OR4A16: variants seen among roughly 807,000 people sequenced by gnomAD.
The protein encoded by OR4A16 is olfactory receptor family 4 subfamily A member 16.
For missense variants in OR4A16, 594 were observed against 390.9 expected (o/e 1.52, Z -4.38); for synonymous variants, 210 against 138.6 (o/e 1.51, Z -3.62).
Position 55,343,224 on chromosome 11 carries a change from A to C in OR4A16, c.24A>C (p.Thr8=), listed in dbSNP as rs1206337876. 15 of 1,605,902 alleles carry C rather than the reference A, an allele frequency of 9.3e-6. No individual in the cohort carries two copies. Among genetic ancestry groups the C allele is most frequent in the African/African-American group, 2.7e-5 (2 of 74,808 alleles). Residue 8 remains threonine, a synonymous_variant, in exon 1 of 1, where the codon ACA becomes ACC. Transcript: ENST00000314721. ...AAATGAGACCAAGCAGCAATGTTACAGAATTTGTCCTCCTGGGCCTCACTC... is the reference window on the plus strand; with the variant it reads ...AAATGAGACCAAGCAGCAATGTTACCGAATTTGTCCTCCTGGGCCTCACTC... MRPSSNV[T]EFVLLGLTQD...
rs541874934 is a variant in OR4A16 at position 55,343,252 on chromosome 11, G to T, written c.52G>T (p.Asp18Tyr). Residue 18 changes from aspartate to tyrosine, a missense_variant, in exon 1 of 1, where the codon GAT becomes TAT. Physicochemically the swap from Asp to Tyr is radical, Grantham distance 160. Transcript: ENST00000314721. Reference sequence around the variant, plus strand: ...ATTTGTCCTCCTGGGCCTCACTCAAGATCCTGATGTGAAAAAAACATTATT... The same window carrying T: ...ATTTGTCCTCCTGGGCCTCACTCAATATCCTGATGTGAAAAAAACATTATT... Reference protein sequence around the residue: ...TEFVLLGLTQDPDVKKTLFVM... With the variant: ...TEFVLLGLTQYPDVKKTLFVM... The T allele has an allele frequency of 6.2e-6, 10 of 1,612,140 alleles. No homozygotes were observed. The highest frequency in any genetic ancestry group is 1.3e-5 in the African/African-American group (1 of 74,994).
rs745752609 is a variant in OR4A16, at chr11:55,343,518, T to C, written c.318T>C (p.Gly106=). ...AGCTCTTCATAGAACACTTACTTGG[T>C]GGTGCAGAGGTCTTCCTTTTGGTGG... ...MGQLFIEHLL[G]GAEVFLLVVM... The change falls in exon 1 of 1, where the codon GGT becomes GGC. Residue 106 remains glycine (G), a synonymous_variant. Transcript: ENST00000314721. 36 of 1,613,836 alleles carry C rather than the reference T, an allele frequency of 2.2e-5. No individual in the cohort carries two copies. The highest frequency in any genetic ancestry group is 2.7e-5 in the Non-Finnish European group (32 of 1,179,912).
At position 55,344,015 on chromosome 11, in the gene OR4A16, T is replaced by G; in HGVS notation, c.815T>G (p.Phe272Cys). 6.2e-7 allele frequency: 1 copy of G among 1,612,906 alleles called. No individual in the cohort carries two copies. Among genetic ancestry groups the G allele is most frequent in the Non-Finnish European group, 8.5e-7 (1 of 1,179,142 alleles). The change falls in exon 1 of 1, where the codon TTT (phenylalanine) becomes TGT (cysteine). Residue 272 changes from phenylalanine to cysteine, a missense_variant. Transcript: ENST00000314721. ...CCCTTTGATAAATTAATGACTGTGT[T>G]TTATTCAATTATCACACTCATGTTG... is the stretch of plus-strand genomic sequence containing the variant. ...NFPFDKLMTV[F>C]YSIITLMLNP... is the part of the protein sequence containing the mutation.
Position 55,343,263 on chromosome 11 carries a change from G to GA in OR4A16, c.70dup (p.Thr24AsnfsTer63), listed in dbSNP as rs749534121. 1.1e-4 allele frequency: 181 copies of GA among 1,600,296 alleles called. 1 individual carries two copies. Among genetic ancestry groups the GA allele is most frequent in the East Asian group, 8.3e-4 (37 of 44,736 alleles). The stretch of plus-strand genomic sequence containing the variant: ...TGGGCCTCACTCAAGATCCTGATGT[G>GA]AAAAAAACATTATTTGTCATGTTTT... On this transcript the variant is annotated frameshift_variant, in exon 1 of 1. Transcript: ENST00000314721. LOFTEE classifies it low-confidence loss of function (END_TRUNC).
rs575051490 is a variant in OR4A16 at position 55,343,558 on chromosome 11, C to T, written c.358C>T (p.Arg120Cys). ...VFLLVVMAYD[R>C]YVAISKPLHY... is the part of the protein sequence containing the mutation. ...CCTTTTGGTGGTGATGGCCTATGAT[C>T]GCTATGTGGCTATCTCTAAGCCGCT... The change falls in exon 1 of 1, where the codon CGC becomes TGC. Residue 120 changes from arginine (R) to cysteine (C), a missense_variant. Arg to Cys is a radical substitution (Grantham distance 180, BLOSUM62 -3). Coordinates refer to ENST00000314721, the MANE Select transcript of OR4A16 (RefSeq NM_001005274.1). The T allele has an allele frequency of 5.0e-5, 80 of 1,613,880 alleles. No homozygotes were observed. Among genetic ancestry groups the T allele is most frequent in the Non-Finnish European group, 3.9e-5 (46 of 1,179,914 alleles).
In OR4A16 at chr11:55,343,883, A is replaced by G. The variant is rs779330023; in HGVS notation, c.683A>G (p.Gln228Arg). The change falls in exon 1 of 1, where the codon CAG (glutamine) becomes CGG (arginine). Residue 228 changes from glutamine to arginine, a missense_variant. By Grantham distance (43) the Gln-to-Arg change is conservative. Transcript: ENST00000314721. ...CTAAACTTCCTTAAAACTTACAGTC[A>G]GGAAGAGAGGCATAAAGCCCTGCCT... ...VILNFLKTYSQEERHKALPTC... is the reference protein window; with the variant it reads ...VILNFLKTYSREERHKALPTC... 1 of 1,613,794 alleles carries G rather than the reference A, an allele frequency of 6.2e-7. No homozygotes were observed. Among genetic ancestry groups the G allele is most frequent in the Admixed American group, 1.7e-5 (1 of 59,980 alleles).
chr11:55,344,021 C>T lies in OR4A16; in HGVS notation c.821C>T (p.Ser274Leu). The T allele has an allele frequency of 6.2e-7, 1 of 1,611,934 alleles. No homozygotes were observed. Among genetic ancestry groups the T allele is most frequent in the Non-Finnish European group, 8.5e-7 (1 of 1,178,432 alleles). ...PFDKLMTVFY[S>L]IITLMLNPLI... ...GATAAATTAATGACTGTGTTTTATTCAATTATCACACTCATGTTGAATCCT... is the reference window on the plus strand; with the variant it reads ...GATAAATTAATGACTGTGTTTTATTTAATTATCACACTCATGTTGAATCCT... The change falls in exon 1 of 1, where the codon TCA becomes TTA. Residue 274 changes from serine to leucine, a missense_variant. Ser to Leu is a moderately radical substitution (Grantham distance 145). Coordinates refer to ENST00000314721, the MANE Select transcript of OR4A16 (RefSeq NM_001005274.1).
In OR4A16 at chr11:55,343,233, C is replaced by A; in HGVS notation, c.33C>A (p.Val11=). ...CAAGCAGCAATGTTACAGAATTTGT[C>A]CTCCTGGGCCTCACTCAAGATCCTG... MRPSSNVTEF[V]LLGLTQDPDV... The change falls in exon 1 of 1, where the codon GTC becomes GTA. Residue 11 remains valine (V), a synonymous_variant. Coordinates refer to ENST00000314721, the MANE Select transcript of OR4A16 (RefSeq NM_001005274.1). 2 of 1,607,810 alleles carry A rather than the reference C, an allele frequency of 1.2e-6. No homozygotes were observed. Among genetic ancestry groups the A allele is most frequent in the South Asian group, 1.1e-5 (1 of 90,768 alleles).
chr11:55,343,331 G>T lies in OR4A16; in HGVS notation c.131G>T (p.Trp44Leu), dbSNP rs142814072. Residue 44 changes from tryptophan (W) to leucine (L), a missense_variant, in exon 1 of 1, where the codon TGG becomes TTG. Coordinates refer to ENST00000314721, the MANE Select transcript of OR4A16 (RefSeq NM_001005274.1). ...ACAATGGTGGGAAACCTCCTCATTT[G>T]GGTGACTACTATTGGCAGCCCCTCC... ...IVTMVGNLLI[W>L]VTTIGSPSLG... 49 of 1,613,642 alleles carry T rather than the reference G, an allele frequency of 3.0e-5. No individual in the cohort carries two copies. The highest frequency in any genetic ancestry group is 4.0e-5 in the Non-Finnish European group (47 of 1,179,858).
In OR4A16 at chr11:55,343,721, AC is replaced by A. The variant is rs1178338039; in HGVS notation, c.522del (p.Ser175LeufsTer19). 1 of 1,613,274 alleles carries A rather than the reference AC, an allele frequency of 6.2e-7. No homozygotes were observed. The highest frequency in any genetic ancestry group is 8.5e-7 in the Non-Finnish European group (1 of 1,179,774). ...ATCTGTGGCCCCAATGTTATTGACC[AC>A]TCTGTCTGTGACATGTACCCATTGT... The part of the protein sequence containing the change: ...LPICGPNVID[H>X]SVCDMYPLLE... On this transcript the variant is annotated frameshift_variant, in exon 1 of 1. Coordinates refer to ENST00000314721, the MANE Select transcript of OR4A16 (RefSeq NM_001005274.1). LOFTEE classifies it low-confidence loss of function (END_TRUNC).
In OR4A16 at chr11:55,343,271, C is replaced by T. The variant is rs757963604; in HGVS notation, c.71C>T (p.Thr24Ile). The T allele has an allele frequency of 1.2e-6, 2 of 1,613,002 alleles. No homozygotes were observed. Among genetic ancestry groups the T allele is most frequent in the Non-Finnish European group, 1.7e-6 (2 of 1,179,518 alleles). Residue 24 changes from threonine to isoleucine, a missense_variant, in exon 1 of 1, where the codon ACA becomes ATA. Thr to Ile is a moderately conservative substitution (Grantham distance 89). Transcript: ENST00000314721. ...ACTCAAGATCCTGATGTGAAAAAAA[C>T]ATTATTTGTCATGTTTTTACTCATA... ...GLTQDPDVKK[T>I]LFVMFLLIYI...
In OR4A16 at chr11:55,343,316, G is replaced by A. The variant is rs267602960; in HGVS notation, c.116G>A (p.Gly39Glu). 7.4e-6 allele frequency: 12 copies of A among 1,613,696 alleles called. No individual in the cohort carries two copies. Among genetic ancestry groups the A allele is most frequent in the Non-Finnish European group, 9.3e-6 (11 of 1,179,822 alleles). Residue 39 changes from glycine (G) to glutamate (E), a missense_variant, in exon 1 of 1, where the codon GGA becomes GAA. Gly to Glu is a moderately conservative substitution (Grantham distance 98). Transcript: ENST00000314721. ...CTCATATACATTGTGACAATGGTGG[G>A]AAACCTCCTCATTTGGGTGACTACT... ...FLLIYIVTMVGNLLIWVTTIG... is the reference protein window; with the variant it reads ...FLLIYIVTMVENLLIWVTTIG...
In OR4A16 at chr11:55,343,643, T is replaced by C. The variant is rs775740401; in HGVS notation, c.443T>C (p.Ile148Thr). 9.3e-6 allele frequency: 15 copies of C among 1,613,912 alleles called. No individual in the cohort carries two copies. The highest frequency in any genetic ancestry group is 1.1e-5 in the Non-Finnish European group (13 of 1,179,898). Residue 148 changes from isoleucine (I) to threonine (T), a missense_variant, in exon 1 of 1, where the codon ATT becomes ACT. Physicochemically the swap from Ile to Thr is moderately conservative, Grantham distance 89. Transcript: ENST00000314721. ...ATCCTTCTGTTGGTGGTGGCCATGA[T>C]TGGAGGTTTTGTGCACTCTGTGGTT... Reference protein sequence around the residue: ...VCILLLVVAMIGGFVHSVVQI... With the variant: ...VCILLLVVAMTGGFVHSVVQI...
In OR4A16 at chr11:55,343,589, A is replaced by G; in HGVS notation, c.389A>G (p.Tyr130Cys). 2 of 1,613,906 alleles carry G rather than the reference A, an allele frequency of 1.2e-6. No homozygotes were observed. The highest frequency in any genetic ancestry group is 1.7e-6 in the Non-Finnish European group (2 of 1,179,918). ...RYVAISKPLH[Y>C]LNIMNRLVCI... ...GTGGCTATCTCTAAGCCGCTGCACT[A>G]TTTGAACATCATGAATCGACTGGTT... Residue 130 changes from tyrosine (Y) to cysteine (C), a missense_variant, in exon 1 of 1, where the codon TAT becomes TGT. Tyr to Cys is a radical substitution (Grantham distance 194). Transcript: ENST00000314721.
At position 55,343,321 on chromosome 11, in the gene OR4A16, C is replaced by T; in HGVS notation, c.121C>T (p.Leu41Phe). Residue 41 changes from leucine to phenylalanine, a missense_variant, in exon 1 of 1, where the codon CTC (leucine) becomes TTC (phenylalanine). Physicochemically the swap from Leu to Phe is conservative, Grantham distance 22. Transcript: ENST00000314721. The part of the protein sequence containing the change: ...LIYIVTMVGN[L>F]LIWVTTIGSP... ...ATACATTGTGACAATGGTGGGAAAC[C>T]TCCTCATTTGGGTGACTACTATTGG... 1 of 1,613,754 alleles carries T rather than the reference C, an allele frequency of 6.2e-7. No individual in the cohort carries two copies. The highest frequency in any genetic ancestry group is 8.5e-7 in the Non-Finnish European group (1 of 1,179,844).
At position 55,343,596 on chromosome 11, in the gene OR4A16, C is replaced by T. The variant is rs76425968; in HGVS notation, c.396C>T (p.Asn132=). The change falls in exon 1 of 1, where the codon AAC becomes AAT. Residue 132 remains asparagine (N), a synonymous_variant. Transcript: ENST00000314721. ...TCTCTAAGCCGCTGCACTATTTGAA[C>T]ATCATGAATCGACTGGTTTGCATCC... is the stretch of plus-strand genomic sequence containing the variant. ...VAISKPLHYL[N]IMNRLVCILL... is the part of the protein sequence containing the mutation. The T allele has an allele frequency of 0.012, 18,312 of 1,528,344 alleles. No individual in the cohort carries two copies. The highest frequency in any genetic ancestry group is 0.014 in the Admixed American group (820 of 58,356). 94.7% of individuals were successfully genotyped at this position (1,528,344 alleles called of 1,614,324 possible). A position where few individuals can be genotyped will look rare whatever the true frequency, so the allele number is the denominator to read the frequency against.
chr11:55,343,730 G>T lies in OR4A16; in HGVS notation c.530G>T (p.Cys177Phe). Residue 177 changes from cysteine to phenylalanine, a missense_variant, in exon 1 of 1, where the codon TGT becomes TTT. Physicochemically the swap from Cys to Phe is radical, Grantham distance 205 (BLOSUM62 -2). Coordinates refer to ENST00000314721, the MANE Select transcript of OR4A16 (RefSeq NM_001005274.1). ...CGPNVIDHSV[C>F]DMYPLLELLC... Reference sequence around the variant, plus strand: ...CCCAATGTTATTGACCACTCTGTCTGTGACATGTACCCATTGTTGGAACTG... The same window carrying T: ...CCCAATGTTATTGACCACTCTGTCTTTGACATGTACCCATTGTTGGAACTG... The T allele has an allele frequency of 6.2e-7, 1 of 1,613,824 alleles. No homozygotes were observed. The highest frequency in any genetic ancestry group is 2.2e-5 in the East Asian group (1 of 44,816).
rs143065334 is a variant in OR4A16, at chr11:55,343,607, G to A, written c.407G>A (p.Arg136Gln). 129 of 1,613,912 alleles carry A rather than the reference G, an allele frequency of 8.0e-5. 1 individual carries two copies. The African/African-American group carries it at 1.4e-3, about 17-fold the overall frequency. The change falls in exon 1 of 1, where the codon CGA becomes CAA. Residue 136 changes from arginine (R) to glutamine (Q), a missense_variant. Coordinates refer to ENST00000314721, the MANE Select transcript of OR4A16 (RefSeq NM_001005274.1). ...KPLHYLNIMNRLVCILLLVVA... is the reference protein window; with the variant it reads ...KPLHYLNIMNQLVCILLLVVA... ...CTGCACTATTTGAACATCATGAATCGACTGGTTTGCATCCTTCTGTTGGTG... is the reference window on the plus strand; with the variant it reads ...CTGCACTATTTGAACATCATGAATCAACTGGTTTGCATCCTTCTGTTGGTG...
At position 55,343,397 on chromosome 11, in the gene OR4A16, T is replaced by A; in HGVS notation, c.197T>A (p.Leu66His). 1 of 1,613,906 alleles carries A rather than the reference T, an allele frequency of 6.2e-7. No homozygotes were observed. The highest frequency in any genetic ancestry group is 1.3e-5 in the African/African-American group (1 of 75,050). The change falls in exon 1 of 1, where the codon CTT becomes CAT. Residue 66 changes from leucine (L) to histidine (H), a missense_variant. Physicochemically the swap from Leu to His is moderately conservative, Grantham distance 99 (BLOSUM62 -3). Coordinates refer to ENST00000314721, the MANE Select transcript of OR4A16 (RefSeq NM_001005274.1). ...LMYFFLAYLS[L>H]MDAIYSTAMS... ...TACTTCTTCCTTGCCTACTTGTCAC[T>A]TATGGATGCCATATATTCCACTGCC...
Sources: gnomAD v4.1 joint callset for allele counts on GRCh38, gnomAD v4.1.1 for gene constraint, MANE v1.5 for transcripts, NCBI Gene and HGNC (gene_info 2026-07-23, HGNC 2026-07-21) for gene names.